Variants in ADAMTS16 observed in about 807,000 individuals in gnomAD.
ADAMTS16 encodes ADAM metallopeptidase with thrombospondin type 1 motif 16, also known as A disintegrin and metalloproteinase with thrombospondin motifs 16.
A neutral mutation model predicts 145.8 loss-of-function variants in ADAMTS16; 94 were observed. The observed-to-expected ratio is 0.64, with a 90% CI of 0.55 to 0.77. ADAMTS16 has a LOEUF of 0.77. Ranked by LOEUF, ADAMTS16 falls within the 30% of genes least tolerant of loss-of-function variation. ADAMTS16 has a pLI of 0.00. For missense variants in ADAMTS16, 1,585 were observed against 1,591.5 expected, an observed-to-expected ratio of 1.00 and a Z score of 0.07; for synonymous variants, 659 against 604.3, an observed-to-expected ratio of 1.09 and a Z score of -1.33.
chr5:5,292,278 C>G (rs892473759), intron 18 of ADAMTS16, among the ~76,000 whole-genome samples: 1 of 151,938 alleles, frequency 6.6e-6, no homozygotes, highest in Non-Finnish European at 1.5e-5. Flanking sequence ...TGTGGATCAC[C>G]TGACGTCAGG....
At chr5:5,197,367 A>T (rs1040667394) in intron 8 of ADAMTS16, among the ~76,000 whole-genome samples, 1 of 152,196 alleles carries the variant, frequency 6.6e-6, no homozygotes, top group Admixed American at 6.5e-5. Flanking sequence ...TTTAATCTGA[A>T]ATTAGATTTC....
At chr5:5,236,283 T>C (rs1737102852) in intron 13 of ADAMTS16, among the ~76,000 whole-genome samples, 1 of 142,578 alleles carries the variant, frequency 7.0e-6, no homozygotes, top group African/African-American at 2.6e-5. Flanking sequence ...GAAATTTTCA[T>C]CATTAATTGT....
In ADAMTS16 at chr5:5,306,713, C is replaced by T. The variant is rs770096318; in HGVS notation, c.3396C>T (p.Ala1132=). ...GACCCTCGAGGGGCAGCTGGTTTGCCTCACCCTGGTCTCAGGTAGGGGAGG... is the reference window on the plus strand; with the variant it reads ...GACCCTCGAGGGGCAGCTGGTTTGCTTCACCCTGGTCTCAGGTAGGGGAGG... ...AAGPSRGSWF[A]SPWSQCTASC... is the part of the protein sequence containing the mutation. Residue 1132 remains alanine, a synonymous_variant, in exon 21 of 23, where the codon GCC becomes GCT. Transcript: ENST00000274181. 5.7e-5 allele frequency: 92 copies of T among 1,610,550 alleles called. No homozygotes were observed. Among genetic ancestry groups the T allele is most frequent in the Non-Finnish European group, 7.3e-5 (86 of 1,178,566 alleles).
In ADAMTS16 at chr5:5,267,063, C is replaced by T. The variant is rs560919055; in HGVS notation, c.2789+4280C>T. ...TGGGAAAATCTCTTTGGAATTGAAA[C>T]TGGAGGAGCTCCCTTTTCCCCCTCG... On this transcript the variant is annotated intron_variant, in intron 18 of 22. Transcript: ENST00000274181. 4.4e-3 allele frequency among the ~76,000 whole-genome samples: 676 copies of T among 152,238 alleles called. 6 individuals are homozygous for T. The highest frequency in any genetic ancestry group is 7.5e-3 in the South Asian group (36 of 4,828).
chr5:5,222,501 T>G (rs181678940), intron 10 of ADAMTS16, among the ~76,000 whole-genome samples: 1 of 152,210 alleles, frequency 6.6e-6, no homozygotes, highest in Non-Finnish European at 1.5e-5. Flanking sequence ...TTTTCTGCAA[T>G]GTCTGAATTA....
At chr5:5,182,489 C>T (rs781072757) in intron 4 of ADAMTS16, among the ~76,000 whole-genome samples, 184 bp downstream of exon 4, 2 of 152,176 alleles carry the variant, frequency 1.3e-5, no homozygotes, top group Admixed American at 6.5e-5. Flanking sequence ...CGGGACATCT[C>T]TCCATGGCAG....
intron 1 of ADAMTS16, 25 bp downstream of exon 1, chr5:5,140,564 C>A: frequency 6.7e-7 from 1 of 1,499,646 alleles, no homozygotes; most frequent in South Asian, 1.3e-5. Context: ...CTCCCACCAG[C>A]GCGGAAACCG....
Position 5,140,460 on chromosome 5 carries a change from G to A in ADAMTS16, c.-8G>A. The A allele has an allele frequency of 2.0e-6, 3 of 1,505,326 alleles. No homozygotes were observed. Among genetic ancestry groups the A allele is most frequent in the Non-Finnish European group, 2.6e-6 (3 of 1,135,742 alleles). 93.2% of individuals were successfully genotyped at this position (1,505,326 alleles called of 1,614,324 possible). ...CCGGTGGCCCCTAGCCCCTCGGAGC[G>A]CTCCTGGATGAAGCCCCGCGCGCGC... is the stretch of plus-strand genomic sequence containing the variant. On this transcript the variant is annotated 5_prime_UTR_variant, in exon 1 of 23. Transcript: ENST00000274181.
rs777810233 is a variant in ADAMTS16, at chr5:5,140,757, G to C, written c.166G>C (p.Glu56Gln). Residue 56 changes from glutamate (E) to glutamine (Q), a missense_variant, in exon 2 of 23, where the codon GAA becomes CAA. Coordinates refer to ENST00000274181, the MANE Select transcript of ADAMTS16 (RefSeq NM_139056.4). ...PPPAERPGWMEKGEYDLVSAY... is the reference protein window; with the variant it reads ...PPPAERPGWMQKGEYDLVSAY... ...ACCCGCGGAGCGGCCGGGCTGGATG[G>C]AAAAGGGCGGTAAGTCCGTGAGGTG... 7 of 1,562,492 alleles carry C rather than the reference G, an allele frequency of 4.5e-6. No homozygotes were observed. Among genetic ancestry groups the C allele is most frequent in the South Asian group, 1.2e-5 (1 of 85,140 alleles).
At chr5:5,147,589 A>C (rs1359056338) in intron 3 of ADAMTS16, among the ~76,000 whole-genome samples, 2 of 152,174 alleles carry the variant, frequency 1.3e-5, no homozygotes, top group Non-Finnish European at 2.9e-5. Context: ...TTCACTTGTA[A>C]GAAGTTTTTG....
chr5:5,227,505 C>CTGTG (rs55875918), intron 11 of ADAMTS16, among the ~76,000 whole-genome samples: 36 of 148,470 alleles, frequency 2.4e-4, no homozygotes, highest in African/African-American at 6.4e-4. Context: ...AGATCTAATA[C>CTGTG]TGTGTGTGTG....
At chr5:5,152,936 C>T (rs1035760095) in intron 3 of ADAMTS16, among the ~76,000 whole-genome samples, 1 of 152,194 alleles carries the variant, frequency 6.6e-6, no homozygotes. Flanking sequence ...CTATTATTAA[C>T]ATATTTTACA....
intron 18 of ADAMTS16, among the ~76,000 whole-genome samples, chr5:5,293,042 T>C (rs1174773685): frequency 2.0e-5 from 3 of 152,188 alleles, no homozygotes; most frequent in Non-Finnish European, 4.4e-5. Flanking sequence ...ACAGTGACCC[T>C]GTGAGTCTAG....
chr5:5,209,553 C>G (rs530101254), intron 10 of ADAMTS16, among the ~76,000 whole-genome samples: 2 of 152,284 alleles, frequency 1.3e-5, no homozygotes, highest in Middle Eastern at 6.8e-3. Context: ...CAAATTAATA[C>G]TCTGCATTTT....
At chr5:5,264,175 A>G (rs892135829) in intron 18 of ADAMTS16, among the ~76,000 whole-genome samples, 2 of 152,076 alleles carry the variant, frequency 1.3e-5, no homozygotes, top group African/African-American at 4.8e-5. Flanking sequence ...GAAAGAACCA[A>G]TCGGAAGAGA....
At chr5:5,282,962 TTTA>T (rs1173742840) in intron 18 of ADAMTS16, among the ~76,000 whole-genome samples, 1 of 151,892 alleles carries the variant, frequency 6.6e-6, no homozygotes. Flanking sequence ...AATTTTATAT[TTTA>T]TTTAGTATTA....
rs1579428403 is a variant in ADAMTS16, at chr5:5,319,242, G to C, written c.*104G>C. ...CGGAATACATCCAAGGAAGAGCAAA[G>C]CCAAAAGAAGAAAACCGTGTTAGGC... is the stretch of plus-strand genomic sequence containing the variant. On this transcript the variant is annotated 3_prime_UTR_variant, in exon 23 of 23. Coordinates refer to ENST00000274181, the MANE Select transcript of ADAMTS16 (RefSeq NM_139056.4). 1 of 854,676 alleles carries C rather than the reference G, an allele frequency of 1.2e-6. No homozygotes were observed. The highest frequency in any genetic ancestry group is 1.9e-6 in the Non-Finnish European group (1 of 533,262). The allele number at this position is 854,676 out of a possible 1,614,324, so 52.9% of individuals were successfully genotyped here.
At chr5:5,186,377 G>A (rs1735500128) in intron 5 of ADAMTS16, 126 bp downstream of exon 5, 1 of 885,108 alleles carries the variant, frequency 1.1e-6, no homozygotes, top group Non-Finnish European at 1.7e-6. Flanking sequence ...TTCCATATAT[G>A]AGAAATATTT....
At chr5:5,203,841 G>C (rs1201553277) in intron 9 of ADAMTS16, among the ~76,000 whole-genome samples, 1 of 152,156 alleles carries the variant, frequency 6.6e-6, no homozygotes, top group African/African-American at 2.4e-5. Flanking sequence ...GCATGAGAAA[G>C]GTGACCATCA....
Sources: gnomAD v4.1 joint callset for allele counts (sites outside exome capture counted in the v4.1 genomes callset) on GRCh38, gnomAD v4.1.1 for gene constraint, MANE v1.5 for transcripts, NCBI Gene and HGNC (gene_info 2026-07-23, HGNC 2026-07-21) for gene names.